The following SCN10A variants were observed in gnomAD, a reference collection of about 807,000 sequenced individuals.
The protein encoded by SCN10A is sodium voltage-gated channel alpha subunit 10.
Under a neutral mutation model 170.7 loss-of-function variants are expected in SCN10A, and 162 were observed. The ratio of observed to expected loss-of-function variants is 0.95; its 90% confidence interval spans 0.84 to 1.08. The LOEUF (loss-of-function observed/expected upper bound fraction) is 1.08, where lower values mean the gene tolerates loss of function less well. Ranked by LOEUF, SCN10A falls within the 50% of genes least tolerant of loss-of-function variation. SCN10A has a pLI of 0.00. For synonymous variants in SCN10A, 985 were observed against 904.6 expected, an observed-to-expected ratio of 1.09 and a Z score of -1.59; for missense variants, 2,527 against 2,436.9, an observed-to-expected ratio of 1.04 and a Z score of -0.78.
intron 20 of SCN10A, 146 bp from the exon 21 acceptor site, chr3:38,718,972 T>A (rs952489447): frequency 2.0e-5 from 14 of 708,478 alleles, no homozygotes; most frequent in Non-Finnish European, 3.0e-5. Context: ...TTTTGTTTGC[T>A]GTGGGGAGGT....
At chr3:38,744,621 C>T (rs1206853570) in intron 13 of SCN10A, among the ~76,000 whole-genome samples, 1 of 151,982 alleles carries the variant, frequency 6.6e-6, no homozygotes, top group East Asian at 1.9e-4. Context: ...AAAATACCTT[C>T]TCCATGTTTT....
At position 38,752,306 on chromosome 3, in the gene SCN10A, T is replaced by C. The variant is rs770276976; in HGVS notation, c.1668A>G (p.Gln556=). 8 of 1,609,030 alleles carry C rather than the reference T, an allele frequency of 5.0e-6. No individual in the cohort carries two copies. The highest frequency in any genetic ancestry group is 3.3e-5 in the South Asian group (3 of 90,298). Residue 556 remains glutamine (Q), a synonymous_variant, in exon 12 of 28, where the codon CAA becomes CAG. Transcript: ENST00000449082. ...QGPLPRSPLP[Q]PSNPDSRHGE... ...CATGCCTGGAGTCAGGGTTGCTGGG[T>C]TGAGGAAGAGGGCTTCTAGGGAGGG...
chr3:38,712,101 ACT>A (rs2063280233), intron 23 of SCN10A, 58 bp downstream of exon 23: 2 of 1,547,370 alleles, frequency 1.3e-6, no homozygotes, highest in Non-Finnish European at 1.8e-6. Flanking sequence ...GGGAACCTAG[ACT>A]CTCCATTTTA....
intron 1 of SCN10A, among the ~76,000 whole-genome samples, chr3:38,815,068 C>A (rs1457365457): frequency 6.6e-6 from 1 of 152,048 alleles, no homozygotes; most frequent in Admixed American, 6.5e-5. Context: ...AAATCATGAT[C>A]AAGAATCAAA....
At position 38,698,582 on chromosome 3, in the gene SCN10A, T is replaced by G; in HGVS notation, c.4658-20A>C. ...TCAGGCCTTTAAAAGAAGGAAGAAA[T>G]TATCTAATTAGTATCTCCAGCCATG... On this transcript the variant is annotated intron_variant, in intron 27 of 27. Transcript: ENST00000449082. The G allele has an allele frequency of 4.4e-6, 7 of 1,576,644 alleles. No homozygotes were observed. The highest frequency in any genetic ancestry group is 2.3e-5 in the East Asian group (1 of 44,372).
chr3:38,731,127 G>A (rs913175544), intron 15 of SCN10A, among the ~76,000 whole-genome samples: 2 of 152,220 alleles, frequency 1.3e-5, no homozygotes, highest in Non-Finnish European at 2.9e-5. Context: ...CAGAAAGGAA[G>A]GAATAACAGT....
chr3:38,751,644 G>A (rs536812861), intron 12 of SCN10A, among the ~76,000 whole-genome samples: 34 of 152,320 alleles, frequency 2.2e-4, no homozygotes, highest in African/African-American at 7.9e-4. Flanking sequence ...AATCCAATGA[G>A]GAATCCCTGA....
chr3:38,763,262 A>C (rs1315985966), intron 6 of SCN10A, among the ~76,000 whole-genome samples: 1 of 152,178 alleles, frequency 6.6e-6, no homozygotes, highest in African/African-American at 2.4e-5. Flanking sequence ...ATTGATTGTG[A>C]GGCCATGTGG....
At position 38,750,072 on chromosome 3, in the gene SCN10A, C is replaced by T. The variant is rs2063731697; in HGVS notation, c.1867+1G>A. On this transcript the variant is annotated splice_donor_variant, in intron 13 of 27. Transcript: ENST00000449082. LOFTEE classifies it high-confidence loss of function. ...TGAACAATGCAGTGAGCAGCACTTACCCTCAAGGACGGAGGTTATGATACT... is the reference window on the plus strand; with the variant it reads ...TGAACAATGCAGTGAGCAGCACTTATCCTCAAGGACGGAGGTTATGATACT... 1.3e-6 allele frequency: 2 copies of T among 1,563,288 alleles called. No homozygotes were observed. The highest frequency in any genetic ancestry group is 2.2e-5 in the South Asian group (2 of 89,486).
chr3:38,765,406 A>T (rs2063920987), intron 5 of SCN10A, among the ~76,000 whole-genome samples: 1 of 152,124 alleles, frequency 6.6e-6, no homozygotes, highest in Non-Finnish European at 1.5e-5. Flanking sequence ...AGAGATGAAG[A>T]TTCAGTTTCT....
At chr3:38,745,261 A>G (rs1434526756) in intron 13 of SCN10A, among the ~76,000 whole-genome samples, 1 of 152,184 alleles carries the variant, frequency 6.6e-6, no homozygotes, top group African/African-American at 2.4e-5. Context: ...AGGATCTCCT[A>G]TATAAAATTG....
intron 20 of SCN10A, among the ~76,000 whole-genome samples, chr3:38,721,763 A>AG (rs967033567): frequency 1.3e-5 from 2 of 152,234 alleles, no homozygotes; most frequent in African/African-American, 4.8e-5. Context: ...TGCTATTGTA[A>AG]TGATTTTCTG....
At chr3:38,754,030 G>A (rs755510163) in intron 11 of SCN10A, among the ~76,000 whole-genome samples, 2 of 152,240 alleles carry the variant, frequency 1.3e-5, no homozygotes, top group Admixed American at 6.5e-5. Context: ...AAAAGAGGGA[G>A]AGGATGCCTT....
chr3:38,803,105 A>G (rs2064383481), intron 1 of SCN10A, among the ~76,000 whole-genome samples: 1 of 152,256 alleles, frequency 6.6e-6, no homozygotes, highest in Non-Finnish European at 1.5e-5. Context: ...ATGAGATATC[A>G]TCTCATGCCA....
intron 25 of SCN10A, 108 bp downstream of exon 25, chr3:38,709,370 G>C: frequency 9.0e-7 from 1 of 1,109,104 alleles, no homozygotes; most frequent in Non-Finnish European, 1.3e-6. Context: ...TAAAGTGATG[G>C]GCTGTGAGTA....
intron 1 of SCN10A, among the ~76,000 whole-genome samples, chr3:38,814,798 T>G (rs1203352436): frequency 6.6e-6 from 1 of 152,206 alleles, no homozygotes; most frequent in Non-Finnish European, 1.5e-5. Context: ...TCCTAACATT[T>G]CAAACCAACT....
chr3:38,750,209 G>A (rs1197827092), intron 12 of SCN10A, 25 bp from the exon 13 acceptor site: 17 of 1,439,788 alleles, frequency 1.2e-5, no homozygotes, highest in Admixed American at 1.7e-5. Flanking sequence ...ACAGAGTCAG[G>A]ACGCTCCTTT....
chr3:38,697,654 T>TG lies in SCN10A; in HGVS notation c.5565dup (p.Thr1856HisfsTer20), dbSNP rs1180797964. 6.2e-7 allele frequency: 1 copy of TG among 1,614,194 alleles called. No homozygotes were observed. Among genetic ancestry groups the TG allele is most frequent in the South Asian group, 1.1e-5 (1 of 91,082 alleles). On this transcript the variant is annotated frameshift_variant, in exon 28 of 28. Coordinates refer to ENST00000449082, the MANE Select transcript of SCN10A (RefSeq NM_006514.4). LOFTEE classifies it low-confidence loss of function (END_TRUNC). Reference sequence around the variant, plus strand: ...CTCCGATAGGCCTTTTGAATGACAGTGGCTGAAATGTCTTCTTGCTTCCAT... The same window carrying TG: ...CTCCGATAGGCCTTTTGAATGACAGTGGGCTGAAATGTCTTCTTGCTTCCAT...
chr3:38,794,855 C>T (rs1263384250), intron 1 of SCN10A, among the ~76,000 whole-genome samples: 2 of 152,146 alleles, frequency 1.3e-5, no homozygotes, highest in Non-Finnish European at 2.9e-5. Flanking sequence ...ACCATATTTC[C>T]TAGTTCATGG....
Sources: allele counts gnomAD v4.1 joint callset (sites outside exome capture counted in the v4.1 genomes callset), GRCh38; gene constraint gnomAD v4.1.1; transcripts MANE v1.5; gene names NCBI Gene and HGNC (gene_info 2026-07-23, HGNC 2026-07-21).